Variants in NADSYN1 observed in about 807,000 individuals in gnomAD.
NADSYN1 encodes the protein NAD synthetase 1, also known as glutamine-dependent NAD(+) synthetase.
In NADSYN1, 80 loss-of-function variants were observed where a neutral mutation model predicts 99.3. The observed-to-expected ratio is 0.81, with a 90% CI of 0.67 to 0.97. The LOEUF (loss-of-function observed/expected upper bound fraction) is 0.97, where lower values mean the gene tolerates loss of function less well. Among genes scored for constraint, NADSYN1 ranks in the 50% least tolerant of loss-of-function variants. The pLI is 0.00. For synonymous variants in NADSYN1, 385 were observed against 372.1 expected, an observed-to-expected ratio of 1.03 and a Z score of -0.40; for missense variants, 859 against 948.5, an observed-to-expected ratio of 0.91 and a Z score of 1.24.
At chr11:71,491,305 G>A (rs1308729590) in intron 17 of NADSYN1, among the ~76,000 whole-genome samples, 1 of 152,270 alleles carries the variant, frequency 6.6e-6, no homozygotes, top group Non-Finnish European at 1.5e-5. Flanking sequence ...AGCAGTGACT[G>A]CAGATGGATC....
Position 71,498,443 on chromosome 11 carries a change from A to G in NADSYN1, c.1985A>G (p.Tyr662Cys), listed in dbSNP as rs1394706141. The G allele has an allele frequency of 1.2e-6, 2 of 1,614,206 alleles. No individual in the cohort carries two copies. The highest frequency in any genetic ancestry group is 1.7e-5 in the Admixed American group (1 of 60,028). The change falls in exon 20 of 21, where the codon TAC becomes TGC. Residue 662 changes from tyrosine (Y) to cysteine (C), a missense_variant. Physicochemically the swap from Tyr to Cys is radical, Grantham distance 194 (BLOSUM62 -2). Transcript: ENST00000319023. Reference sequence around the variant, plus strand: ...ACACCCGCGTACCACGCCGAGAACTACAGCCCTGAGGACAACAGGTTTGAT... The same window carrying G: ...ACACCCGCGTACCACGCCGAGAACTGCAGCCCTGAGGACAACAGGTTTGAT... ...TLTPAYHAEN[Y>C]SPEDNRFDLR...
Position 71,481,969 on chromosome 11 carries a change from C to A in NADSYN1, c.1094C>A (p.Thr365Asn). The change falls in exon 13 of 21, where the codon ACC (threonine) becomes AAC (asparagine). Residue 365 changes from threonine to asparagine, a missense_variant. By Grantham distance (65) the Thr-to-Asn change is moderately conservative. Coordinates refer to ENST00000319023, the MANE Select transcript of NADSYN1 (RefSeq NM_018161.5). Reference protein sequence around the residue: ...PLSGGVDSAATACLIYSMCCQ... With the variant: ...PLSGGVDSAANACLIYSMCCQ... ...AGTGGCGGGGTGGACAGCGCAGCCA[C>A]CGCCTGCCTCATCTACTCCATGTGC... 6.2e-7 allele frequency: 1 copy of A among 1,610,130 alleles called. No individual in the cohort carries two copies.
chr11:71,490,822 G>A lies in NADSYN1; in HGVS notation c.1563-23G>A, dbSNP rs200571489. 168 of 1,613,184 alleles carry A rather than the reference G, an allele frequency of 1.0e-4. 1 individual carries two copies. The highest frequency in any genetic ancestry group is 1.3e-4 in the African/African-American group (10 of 74,998). On this transcript the variant is annotated intron_variant, in intron 16 of 20. Coordinates refer to ENST00000319023, the MANE Select transcript of NADSYN1 (RefSeq NM_018161.5). The stretch of plus-strand genomic sequence containing the variant: ...AGTCTGCGGCCCCTTGGGAACCCGC[G>A]CTCTTTCTCCCTCTCCCTGCAGTCT...
Position 71,485,571 on chromosome 11 carries a change from G to A in NADSYN1, c.1485G>A (p.Leu495=). The A allele has an allele frequency of 1.3e-6, 2 of 1,561,860 alleles. No homozygotes were observed. The highest frequency in any genetic ancestry group is 2.4e-5 in the East Asian group (1 of 42,402). The change falls in exon 16 of 21, where the codon CTG becomes CTA. Residue 495 remains leucine, a synonymous_variant. Coordinates refer to ENST00000319023, the MANE Select transcript of NADSYN1 (RefSeq NM_018161.5). ...GAATACGGATGGTCCTCGCCTATCTGTTTGCTCAGTTGAGCCTCTGGTCTC... is the reference window on the plus strand; with the variant it reads ...GAATACGGATGGTCCTCGCCTATCTATTTGCTCAGTTGAGCCTCTGGTCTC... ...QARIRMVLAY[L]FAQLSLWSRG...
intron 15 of NADSYN1, 200 bp from the exon 16 acceptor site, chr11:71,485,342 T>C: frequency 2.3e-6 from 1 of 430,084 alleles, no homozygotes; most frequent in Non-Finnish European, 4.2e-6. Context: ...ACCACTGAGC[T>C]TGTGTGAGCC....
At chr11:71,480,168 T>TTTTG (rs34864556) in intron 10 of NADSYN1, 12,593 of 152,424 alleles carry the variant, frequency 0.083, 620 homozygotes, top group African/African-American at 0.14. Flanking sequence ...CTTTTTGGTT[T>TTTTG]TTTGTTTGTT....
rs141239827 is a variant in NADSYN1, at chr11:71,485,665, G to A, written c.1562+17G>A. The A allele has an allele frequency of 9.4e-5, 145 of 1,537,800 alleles. 2 individuals carry two copies. In the African/African-American group the frequency reaches 1.7e-3, roughly 18 times the overall value. The stretch of plus-strand genomic sequence containing the variant: ...GGATGAGAGGTGAGTGTGGCCCAGT[G>A]GCACGTGGTGGTGGGCCCCTGAACC... On this transcript the variant is annotated intron_variant, in intron 16 of 20. Coordinates refer to ENST00000319023, the MANE Select transcript of NADSYN1 (RefSeq NM_018161.5).
At chr11:71,456,753 G>C (rs1051926723) in intron 2 of NADSYN1, among the ~76,000 whole-genome samples, 17 of 152,202 alleles carry the variant, frequency 1.1e-4, no homozygotes, top group African/African-American at 4.1e-4. Flanking sequence ...AGGGACAGGG[G>C]CCCAGCTGAG....
Position 71,501,328 on chromosome 11 carries a change from A to G in NADSYN1, c.2097A>G (p.Pro699=). Residue 699 remains proline, a synonymous_variant, in exon 21 of 21, where the codon CCA becomes CCG. Transcript: ENST00000319023. ...TGCTACAGCTCGAGAGGGCAGAGCC[A>G]CAGTCCCTGGACGGCGTGGACTGAG... ...NQVLQLERAE[P]QSLDGVD 1 of 1,606,586 alleles carries G rather than the reference A, an allele frequency of 6.2e-7. No individual in the cohort carries two copies. The highest frequency in any genetic ancestry group is 1.3e-5 in the African/African-American group (1 of 74,898).
chr11:71,484,346 A>G lies in NADSYN1; in HGVS notation c.1354A>G (p.Lys452Glu). The G allele has an allele frequency of 6.2e-7, 1 of 1,614,196 alleles. No homozygotes were observed. Among genetic ancestry groups the G allele is most frequent in the Non-Finnish European group, 8.5e-7 (1 of 1,180,008 alleles). ...HISLNIDPAV[K>E]AVMGIFSLVT... ...CAGTCTCAACATCGATCCAGCCGTG[A>G]AGGCCGTCATGGGCATCTTCAGCCT... Residue 452 changes from lysine to glutamate, a missense_variant, in exon 15 of 21, where the codon AAG (lysine) becomes GAG (glutamate). Transcript: ENST00000319023.
chr11:71,490,715 T>C, intron 16 of NADSYN1, 130 bp from the exon 17 acceptor site: 1 of 1,380,092 alleles, frequency 7.2e-7, no homozygotes, highest in Non-Finnish European at 9.8e-7. Flanking sequence ...CTCTGGGACT[T>C]CTCCGGGATG....
At chr11:71,468,346 G>A (rs1278468971) in intron 5 of NADSYN1, among the ~76,000 whole-genome samples, 2 of 152,206 alleles carry the variant, frequency 1.3e-5, no homozygotes, top group East Asian at 3.8e-4. Context: ...CTAGTGTGTA[G>A]TAAAAAGTAG....
rs774825778 is a variant in NADSYN1 at position 71,474,604 on chromosome 11, G to A, written c.798+78G>A. On this transcript the variant is annotated intron_variant, in intron 9 of 20. Transcript: ENST00000319023. Reference sequence around the variant, plus strand: ...AGCTCCTGGCTCTCCCCTGTAAGCCGGGTGCTTAGTGAGGGCCCCTGTGGA... The same window carrying A: ...AGCTCCTGGCTCTCCCCTGTAAGCCAGGTGCTTAGTGAGGGCCCCTGTGGA... 6.9e-6 allele frequency: 11 copies of A among 1,588,672 alleles called. No homozygotes were observed. The highest frequency in any genetic ancestry group is 2.2e-5 in the East Asian group (1 of 44,548).
chr11:71,477,220 C>T (rs1003097047), intron 9 of NADSYN1: 30 of 1,190,194 alleles, frequency 2.5e-5, no homozygotes, highest in Middle Eastern at 4.7e-4. Context: ...GGCCGCCGTG[C>T]GGCAGGCTGT....
rs1949857849 is a variant in NADSYN1 at position 71,501,554 on chromosome 11, T to A, written c.*202T>A. On this transcript the variant is annotated 3_prime_UTR_variant, in exon 21 of 21. Transcript: ENST00000319023. ...GGCTTAAAAAGAGGCTGGAATCCAA[T>A]GCACATGATTTTGACCTCCCGCCAG... The A allele has an allele frequency of 1.7e-6, 1 of 573,226 alleles. No homozygotes were observed. Among genetic ancestry groups the A allele is most frequent in the East Asian group, 3.0e-5 (1 of 33,054 alleles). The allele number at this position is 573,226 out of a possible 1,614,324, so 35.5% of individuals were successfully genotyped here. A position where few individuals can be genotyped will look rare whatever the true frequency, so the allele number is the denominator to read the frequency against.
At chr11:71,461,117 G>A (rs1365819486) in intron 3 of NADSYN1, among the ~76,000 whole-genome samples, 1 of 152,112 alleles carries the variant, frequency 6.6e-6, no homozygotes, top group Non-Finnish European at 1.5e-5. Flanking sequence ...TCCCACGTAA[G>A]GTAAAAATCC....
At chr11:71,501,198 T>A in intron 20 of NADSYN1, 104 bp from the exon 21 acceptor site, 5 of 1,130,138 alleles carry the variant, frequency 4.4e-6, no homozygotes, top group Non-Finnish European at 4.8e-6. Context: ...TAATTTACTT[T>A]TTCACCTCTG....
chr11:71,463,397 G>C (rs752845235), intron 3 of NADSYN1, 35 bp from the exon 4 acceptor site: 1 of 1,590,938 alleles, frequency 6.3e-7, no homozygotes. Context: ...TTCATAACCG[G>C]GCAGACACAC....
chr11:71,501,447 G>T lies in NADSYN1; in HGVS notation c.*95G>T, dbSNP rs1275135167. ...CAAGGGTAGGAGCCCTACACTAGGA[G>T]CCCAGGATGGGACGGCGCATCAGCC... is the stretch of plus-strand genomic sequence containing the variant. On this transcript the variant is annotated 3_prime_UTR_variant, in exon 21 of 21. Coordinates refer to ENST00000319023, the MANE Select transcript of NADSYN1 (RefSeq NM_018161.5). 9 of 1,221,920 alleles carry T rather than the reference G, an allele frequency of 7.4e-6. No homozygotes were observed. Among genetic ancestry groups the T allele is most frequent in the Non-Finnish European group, 9.2e-6 (8 of 866,608 alleles). 75.7% of individuals were successfully genotyped at this position (1,221,920 alleles called of 1,614,324 possible). A position where few individuals can be genotyped will look rare whatever the true frequency, so the allele number is the denominator to read the frequency against.
Sources: allele counts gnomAD v4.1 joint callset (sites outside exome capture counted in the v4.1 genomes callset), GRCh38; gene constraint gnomAD v4.1.1; transcripts MANE v1.5; gene names NCBI Gene and HGNC (gene_info 2026-07-23, HGNC 2026-07-21).